PRELID2: variants seen among roughly 807,000 people sequenced by gnomAD.
The protein encoded by PRELID2 is PRELI domain containing 2, also known as PRELI domain-containing protein 2.
Under a neutral mutation model 28.4 loss-of-function variants are expected in PRELID2, and 25 were observed. The ratio of observed to expected loss-of-function variants is 0.88; its 90% CI spans 0.64 to 1.23. The LOEUF (loss-of-function observed/expected upper bound fraction) is 1.23. Among genes scored for constraint, PRELID2 ranks in the 50% most tolerant of loss-of-function variants. The pLI, the probability that PRELID2 is intolerant of heterozygous loss-of-function variation, is 0.00. For missense variants in PRELID2, 201 were observed against 214.4 expected, an observed-to-expected ratio of 0.94 and a Z score of 0.39; for synonymous variants, 76 against 71.6, an observed-to-expected ratio of 1.06 and a Z score of -0.31.
the PRELID2 span, among the ~76,000 whole-genome samples, chr5:145,416,601 G>A: frequency 1.2e-4 from 18 of 152,204 alleles, no homozygotes; most frequent in African/African-American, 4.3e-4. Flanking sequence ...TGAAACTAAT[G>A]AGAACAAAGA....
At chr5:145,293,376 C>T in the PRELID2 span, among the ~76,000 whole-genome samples, 3 of 152,018 alleles carry the variant, frequency 2.0e-5, no homozygotes, top group African/African-American at 7.2e-5. Context: ...CTATGCCAGG[C>T]CTAATGTGAA....
the PRELID2 span, among the ~76,000 whole-genome samples, chr5:145,435,827 T>A: frequency 6.6e-6 from 1 of 152,218 alleles, no homozygotes; most frequent in Non-Finnish European, 1.5e-5. Flanking sequence ...GGTTTAAAAC[T>A]TGTGTCTACC....
chr5:145,308,307 T>C, the PRELID2 span, among the ~76,000 whole-genome samples: 15 of 152,226 alleles, frequency 9.9e-5, no homozygotes, highest in Non-Finnish European at 1.8e-4. Flanking sequence ...AAAATAGATG[T>C]ACTAATCGAC....
At chr5:145,398,083 A>G in the PRELID2 span, among the ~76,000 whole-genome samples, 1 of 152,222 alleles carries the variant, frequency 6.6e-6, no homozygotes, top group Non-Finnish European at 1.5e-5. Flanking sequence ...TTCTCTAGCC[A>G]TGGCAGGGAC....
intron 1 of PRELID2, among the ~76,000 whole-genome samples, chr5:145,706,238 G>A (rs562941001): frequency 3.5e-4 from 53 of 152,270 alleles, no homozygotes; most frequent in Middle Eastern, 3.4e-3. Context: ...AGCTAGCTCC[G>A]GGTCGCACTG....
At chr5:145,623,190 C>G (rs1358058417) in intron 1 of PRELID2, among the ~76,000 whole-genome samples, 1 of 151,858 alleles carries the variant, frequency 6.6e-6, no homozygotes, top group East Asian at 1.9e-4. Flanking sequence ...GTGGCTCATG[C>G]CTGTAATCCC....
chr5:145,832,080 A>G (rs959246231), intron 1 of PRELID2, among the ~76,000 whole-genome samples: 1 of 152,248 alleles, frequency 6.6e-6, no homozygotes, highest in South Asian at 2.1e-4. Context: ...CATCAAAGTT[A>G]TATCTTTATA....
intron 1 of PRELID2, among the ~76,000 whole-genome samples, chr5:145,492,563 T>C (rs1426231771): frequency 7.1e-6 from 1 of 141,840 alleles, no homozygotes; most frequent in African/African-American, 2.5e-5. Flanking sequence ...TTACTTGTGC[T>C]TTTGAGGTTA....
chr5:145,811,552 G>A (rs900682760), intron 4 of PRELID2, among the ~76,000 whole-genome samples: 12 of 152,154 alleles, frequency 7.9e-5, no homozygotes, highest in African/African-American at 2.2e-4. Context: ...CCCAAAGTAC[G>A]GGGATCATAG....
chr5:145,296,049 A>G, the PRELID2 span, among the ~76,000 whole-genome samples: 1 of 152,094 alleles, frequency 6.6e-6, no homozygotes, highest in African/African-American at 2.4e-5. Context: ...TAATTTTGTG[A>G]GGCCAAAATC....
At chr5:145,235,691 G>A in the PRELID2 span, among the ~76,000 whole-genome samples, 17 of 152,156 alleles carry the variant, frequency 1.1e-4, no homozygotes, top group African/African-American at 3.9e-4. Flanking sequence ...CCATCCTAGA[G>A]CCTGCTGAAT....
At chr5:145,820,066 C>T in intron 2 of PRELID2, 48 bp from the exon 3 acceptor site, 5 of 1,113,328 alleles carry the variant, frequency 4.5e-6, no homozygotes, top group African/African-American at 1.6e-5. Flanking sequence ...GAAATGTGTT[C>T]TTTTCTTAGT....
the PRELID2 span, among the ~76,000 whole-genome samples, chr5:145,450,022 A>G: frequency 1.3e-5 from 2 of 152,294 alleles, no homozygotes; most frequent in East Asian, 3.9e-4. Flanking sequence ...AAAAATAAAA[A>G]CGAAATGCAA....
At chr5:145,484,430 T>G (rs552324800) in intron 1 of PRELID2, among the ~76,000 whole-genome samples, 1 of 152,338 alleles carries the variant, frequency 6.6e-6, no homozygotes, top group East Asian at 1.9e-4. Flanking sequence ...CATAGACAAA[T>G]TGGCTGTGTT....
At chr5:145,619,368 G>T (rs2149650649) in intron 1 of PRELID2, among the ~76,000 whole-genome samples, 1 of 152,278 alleles carries the variant, frequency 6.6e-6, no homozygotes, top group African/African-American at 2.4e-5. Context: ...AAGCTCCCAG[G>T]GCCTTTTCCA....
the PRELID2 span, among the ~76,000 whole-genome samples, chr5:145,434,025 T>C: frequency 2.0e-5 from 3 of 152,160 alleles, no homozygotes; most frequent in African/African-American, 7.2e-5. Flanking sequence ...ATTGCATGTT[T>C]TCATTACAAA....
chr5:145,248,952 A>T, the PRELID2 span, among the ~76,000 whole-genome samples: 1 of 152,156 alleles, frequency 6.6e-6, no homozygotes, highest in Non-Finnish European at 1.5e-5. Flanking sequence ...TTTCAGTGCC[A>T]GCCTATTATT....
chr5:145,728,679 A>G, intron 1 of PRELID2: 2 of 1,542,026 alleles, frequency 1.3e-6, no homozygotes, highest in Non-Finnish European at 1.8e-6. Context: ...ATAGTTGATG[A>G]CCACTGATTT....
At chr5:145,308,201 A>G in the PRELID2 span, among the ~76,000 whole-genome samples, 1 of 152,188 alleles carries the variant, frequency 6.6e-6, no homozygotes, top group South Asian at 2.1e-4. Context: ...ACAAGCGTAG[A>G]ACCCAAATGC....
Sources: gnomAD v4.1 joint callset for allele counts (sites outside exome capture counted in the v4.1 genomes callset) on GRCh38, gnomAD v4.1.1 for gene constraint, MANE v1.5 for transcripts, NCBI Gene and HGNC (gene_info 2026-07-23, HGNC 2026-07-21) for gene names.